GOLPH3: variants seen among roughly 807,000 people sequenced by gnomAD.
GOLPH3 encodes coat protein GPP34.
Under a neutral mutation model 28.5 loss-of-function variants are expected in GOLPH3, and 14 were observed. That is an observed-to-expected ratio of 0.49 (90% CI 0.32 to 0.77). The LOEUF (loss-of-function observed/expected upper bound fraction) is 0.77, where lower values mean the gene tolerates loss of function less well. GOLPH3 is among the 30% of genes least tolerant of loss of function. The pLI is 0.03. For missense variants in GOLPH3, 350 were observed against 393.7 expected (o/e 0.89, Z 0.94); for synonymous variants, 158 against 159.2 (o/e 0.99, Z 0.06).
chr5:32,126,108 C>A lies in GOLPH3; in HGVS notation c.*104G>T. The A allele has an allele frequency of 8.3e-7, 1 of 1,201,656 alleles. No individual in the cohort carries two copies. Among genetic ancestry groups the A allele is most frequent in the Non-Finnish European group, 1.2e-6 (1 of 850,704 alleles). The allele number at this position is 1,201,656 out of a possible 1,614,324, so 74.4% of individuals were successfully genotyped here. A position where few individuals can be genotyped will look rare whatever the true frequency, so the allele number is the denominator to read the frequency against. On this transcript the variant is annotated 3_prime_UTR_variant, in exon 4 of 4. Transcript: ENST00000265070. The stretch of plus-strand genomic sequence containing the variant: ...ACCCACCATTTTGTAAAACAGAAGC[C>A]AATTATAGTGTGGGAAAGTACAAAT...
intron 1 of GOLPH3, among the ~76,000 whole-genome samples, chr5:32,165,111 G>C (rs148974814): frequency 6.6e-6 from 1 of 151,866 alleles, no homozygotes; most frequent in Non-Finnish European, 1.5e-5. Context: ...TGTTGGCCAG[G>C]CTGGTCGCTA....
chr5:32,162,792 C>T (rs1348945565), intron 1 of GOLPH3, among the ~76,000 whole-genome samples: 2 of 151,926 alleles, frequency 1.3e-5, no homozygotes, highest in South Asian at 2.1e-4. Context: ...CAAAAGTAGG[C>T]CCATGGCCGG....
At chr5:32,172,063 T>C (rs1746848567) in intron 1 of GOLPH3, among the ~76,000 whole-genome samples, 1 of 152,220 alleles carries the variant, frequency 6.6e-6, no homozygotes. Context: ...TAGTTTACTT[T>C]TTCATCCAAA....
At chr5:32,168,367 A>T (rs1746759405) in intron 1 of GOLPH3, among the ~76,000 whole-genome samples, 1 of 152,228 alleles carries the variant, frequency 6.6e-6, no homozygotes, top group Non-Finnish European at 1.5e-5. Context: ...CCTGTGTAAA[A>T]GCCACACAAA....
intron 1 of GOLPH3, among the ~76,000 whole-genome samples, chr5:32,171,871 C>T (rs1259433020): frequency 6.6e-6 from 1 of 151,926 alleles, no homozygotes; most frequent in Non-Finnish European, 1.5e-5. Flanking sequence ...TCGCTTGAAC[C>T]CGGGAGGGGG....
intron 2 of GOLPH3, among the ~76,000 whole-genome samples, chr5:32,140,208 A>G (rs946520644): frequency 1.3e-5 from 2 of 152,098 alleles, no homozygotes; most frequent in Admixed American, 6.5e-5. Context: ...AATAAGATTG[A>G]AAAAACAGAA....
chr5:32,142,792 C>G, intron 2 of GOLPH3, among the ~76,000 whole-genome samples: 1 of 148,564 alleles, frequency 6.7e-6, no homozygotes, highest in African/African-American at 2.5e-5. Context: ...AGGAGCCCCT[C>G]TGTCCGGCCA....
chr5:32,140,802 CAAAA>C (rs553950121), intron 2 of GOLPH3, among the ~76,000 whole-genome samples: 8 of 73,650 alleles, frequency 1.1e-4, no homozygotes, highest in Admixed American at 1.5e-4. Flanking sequence ...ACTCTGTCTC[CAAAA>C]AAAAAAAAAA....
At chr5:32,140,979 A>G (rs960987919) in intron 2 of GOLPH3, among the ~76,000 whole-genome samples, 1 of 152,020 alleles carries the variant, frequency 6.6e-6, no homozygotes, top group Non-Finnish European at 1.5e-5. Flanking sequence ...CCCAGGCAAC[A>G]TAGCAAAACC....
chr5:32,141,438 A>C (rs1177094157), intron 2 of GOLPH3, among the ~76,000 whole-genome samples: 1 of 152,228 alleles, frequency 6.6e-6, no homozygotes, highest in Non-Finnish European at 1.5e-5. Context: ...ACCTACACAG[A>C]CCTTCAACAG....
At chr5:32,129,998 T>C (rs947191105) in intron 3 of GOLPH3, among the ~76,000 whole-genome samples, 7 of 152,104 alleles carry the variant, frequency 4.6e-5, no homozygotes, top group Non-Finnish European at 5.9e-5. Context: ...CCTGCCACCA[T>C]GCCCAGCTAA....
rs796123066 is a variant in GOLPH3, at chr5:32,135,656, C to T, written c.388G>A (p.Asp130Asn). The T allele has an allele frequency of 6.2e-7, 1 of 1,613,314 alleles. No homozygotes were observed. The highest frequency in any genetic ancestry group is 1.7e-5 in the Admixed American group (1 of 59,994). ...TTCAGAGCTTCATCAAGAAGAACAT[C>T]CCCTGTTGGAGCATCTGACTTACAG... ...VICKSDAPTG[D>N]VLLDEALKHV... Residue 130 changes from aspartate to asparagine, a missense_variant, in exon 3 of 4, where the codon GAT becomes AAT. Asp to Asn is a conservative substitution (Grantham distance 23). Coordinates refer to ENST00000265070, the MANE Select transcript of GOLPH3 (RefSeq NM_022130.4).
rs1746280466 is a variant in GOLPH3, at chr5:32,150,478, C to T, written c.226-6598G>A. 2.1e-5 allele frequency among the ~76,000 whole-genome samples: 3 copies of T among 143,462 alleles called. No individual in the cohort carries two copies. The Admixed American group carries it at 2.1e-4, about 10-fold the overall frequency. 94.1% of individuals were successfully genotyped at this position (143,462 alleles called of 152,430 possible). On this transcript the variant is annotated intron_variant, in intron 1 of 3. Coordinates refer to ENST00000265070, the MANE Select transcript of GOLPH3 (RefSeq NM_022130.4). Reference sequence around the variant, plus strand: ...GGGAGATAGCAACATATGTAGGGAACAGAAATGAAAGCTGTCCTACTAGAT... The same window carrying T: ...GGGAGATAGCAACATATGTAGGGAATAGAAATGAAAGCTGTCCTACTAGAT...
intron 3 of GOLPH3, among the ~76,000 whole-genome samples, chr5:32,130,170 CA>C (rs1319252251): frequency 6.6e-6 from 1 of 152,090 alleles, no homozygotes; most frequent in East Asian, 1.9e-4. Flanking sequence ...TGTGTAAACC[CA>C]ATGTCCCACC....
chr5:32,157,042 C>T (rs1202116087), intron 1 of GOLPH3, among the ~76,000 whole-genome samples: 1 of 152,144 alleles, frequency 6.6e-6, no homozygotes, highest in African/African-American at 2.4e-5. Context: ...TTAAAAGTTC[C>T]CTTTTAAGCA....
intron 1 of GOLPH3, among the ~76,000 whole-genome samples, chr5:32,165,451 T>C (rs1746690478): frequency 6.6e-6 from 1 of 152,108 alleles, no homozygotes; most frequent in South Asian, 2.1e-4. Flanking sequence ...TGTGTGGTGG[T>C]GAGTGCCTGT....
At chr5:32,161,699 G>A (rs1267844040) in intron 1 of GOLPH3, among the ~76,000 whole-genome samples, 1 of 151,356 alleles carries the variant, frequency 6.6e-6, no homozygotes, top group Non-Finnish European at 1.5e-5. Context: ...CCAATCCCAA[G>A]GATTCTTTAA....
intron 3 of GOLPH3, among the ~76,000 whole-genome samples, chr5:32,131,330 TCGAAGAAC>T (rs1221505470): frequency 3.3e-5 from 5 of 152,246 alleles, no homozygotes; most frequent in Non-Finnish European, 5.9e-5. Context: ...CCTTTTATTT[TCGAAGAAC>T]TAAGCTAAAT....
chr5:32,125,822 TTC>T lies in GOLPH3; in HGVS notation c.*388_*389del, dbSNP rs1338604520. On this transcript the variant is annotated 3_prime_UTR_variant, in exon 4 of 4. Transcript: ENST00000265070. ...GGTGAGTTGAAGGCCTTTTTGTGACTTCTGTCTGAACTGTAGGCAGAATGCTA... is the reference window on the plus strand; with the variant it reads ...GGTGAGTTGAAGGCCTTTTTGTGACTTGTCTGAACTGTAGGCAGAATGCTA... The T allele has an allele frequency of 2.4e-5, 4 of 169,602 alleles. No homozygotes were observed. Among genetic ancestry groups the T allele is most frequent in the African/African-American group, 9.5e-5 (4 of 41,934 alleles). The allele number at this position is 169,602 out of a possible 1,614,324, so 10.5% of individuals were successfully genotyped here. A position where few individuals can be genotyped will look rare whatever the true frequency, so the allele number is the denominator to read the frequency against.
Sources: gnomAD v4.1 joint callset for allele counts (sites outside exome capture counted in the v4.1 genomes callset) on GRCh38, gnomAD v4.1.1 for gene constraint, MANE v1.5 for transcripts, NCBI Gene and HGNC (gene_info 2026-07-23, HGNC 2026-07-21) for gene names.